AGTPBP1: variants seen among roughly 807,000 people sequenced by gnomAD.
AGTPBP1 encodes cytosolic carboxypeptidase 1.
Under a neutral mutation model 143.9 loss-of-function variants are expected in AGTPBP1, and 70 were observed. The observed-to-expected ratio is 0.49, with a 90% CI of 0.40 to 0.59. AGTPBP1 has a LOEUF of 0.59. Among genes scored for constraint, AGTPBP1 ranks in the 20% least tolerant of loss-of-function variants. The pLI is 0.00. For synonymous variants in AGTPBP1, 463 were observed against 500.2 expected (o/e 0.93, Z 0.99); for missense variants, 1,229 against 1,464.5 (o/e 0.84, Z 2.62).
chr9:85,801,826 ATAGAT>A, the AGTPBP1 span, among the ~76,000 whole-genome samples: 4 of 152,226 alleles, frequency 2.6e-5, no homozygotes, highest in East Asian at 1.9e-4. Context: ...CCCCTCACTC[ATAGAT>A]TAAAGATTTT....
intron 3 of AGTPBP1, among the ~76,000 whole-genome samples, chr9:85,682,744 A>C (rs1167999864): frequency 6.6e-6 from 1 of 152,214 alleles, no homozygotes; most frequent in African/African-American, 2.4e-5. Context: ...CCCTGATTAA[A>C]GGAAAATATC....
chr9:85,564,176 C>T (rs183461534), intron 25 of AGTPBP1, among the ~76,000 whole-genome samples: 169 of 152,362 alleles, frequency 1.1e-3, no homozygotes, highest in Admixed American at 4.8e-3. Context: ...AGCAAAACTG[C>T]AGGGATGGAG....
chr9:85,724,651 T>C (rs1838355050), intron 1 of AGTPBP1, among the ~76,000 whole-genome samples: 1 of 152,224 alleles, frequency 6.6e-6, no homozygotes, highest in African/African-American at 2.4e-5. Flanking sequence ...TGGTATAATA[T>C]CTAAGACTTC....
chr9:85,653,174 TG>T (rs1002991759), intron 11 of AGTPBP1, among the ~76,000 whole-genome samples: 4 of 140,430 alleles, frequency 2.8e-5, no homozygotes, highest in African/African-American at 8.0e-5. Context: ...GAGGCTGAGG[TG>T]GGGGGGATCT....
intron 2 of AGTPBP1, among the ~76,000 whole-genome samples, chr9:85,711,914 G>A (rs781524793): frequency 2.0e-5 from 3 of 152,146 alleles, no homozygotes; most frequent in East Asian, 3.8e-4. Context: ...ATGCTGAAAT[G>A]CAAATTACAT....
Position 85,712,573 on chromosome 9 carries a change from G to T in AGTPBP1, c.-33-7C>A, listed in dbSNP as rs1837448771. The T allele has an allele frequency of 7.4e-7, 1 of 1,355,496 alleles. No homozygotes were observed. The highest frequency in any genetic ancestry group is 1.5e-5 in the South Asian group (1 of 66,834). The allele number at this position is 1,355,496 out of a possible 1,614,324, so 84.0% of individuals were successfully genotyped here. On this transcript the variant is annotated splice_polypyrimidine_tract_variant and splice_region_variant and intron_variant, in intron 1 of 25. Coordinates refer to ENST00000357081, the MANE Select transcript of AGTPBP1 (RefSeq NM_001330701.2). ...TTTCATAATTGCAGATAATCTAAAA[G>T]AAAAATGTTAATGATATTAAAAACT...
chr9:85,609,290 CT>C (rs71370873), intron 17 of AGTPBP1, among the ~76,000 whole-genome samples: 48,056 of 133,956 alleles, frequency 0.36, 7,881 homozygotes, highest in East Asian at 0.6. Context: ...GTGTACAGAT[CT>C]TTTTTTTTTT....
intron 15 of AGTPBP1, among the ~76,000 whole-genome samples, chr9:85,619,696 ATTATC>A (rs1258909412): frequency 5.9e-5 from 9 of 152,186 alleles, no homozygotes; most frequent in African/African-American, 1.7e-4. Flanking sequence ...TAAATTACCT[ATTATC>A]TTATTTAATT....
chr9:85,751,354 T>C, the AGTPBP1 span, among the ~76,000 whole-genome samples: 1 of 152,200 alleles, frequency 6.6e-6, no homozygotes, highest in Non-Finnish European at 1.5e-5. Context: ...AAACATGAAT[T>C]AGTAGAAAAG....
At chr9:85,733,236 T>TA (rs1205242133) in intron 1 of AGTPBP1, among the ~76,000 whole-genome samples, 1 of 152,158 alleles carries the variant, frequency 6.6e-6, no homozygotes, top group African/African-American at 2.4e-5. Context: ...GGATACAAAT[T>TA]AAGTCTCAAT....
rs757052712 is a variant in AGTPBP1, at chr9:85,588,272, T to C, written c.2903+26A>G. 7 of 1,555,168 alleles carry C rather than the reference T, an allele frequency of 4.5e-6. No individual in the cohort carries two copies. In the African/African-American group the frequency reaches 5.5e-5, roughly 12 times the overall value. Reference sequence around the variant, plus strand: ...AGGACAACCACAATGGTCTTGAATATATTCTACAACTATTGCTTAACTTAC... The same window carrying C: ...AGGACAACCACAATGGTCTTGAATACATTCTACAACTATTGCTTAACTTAC... On this transcript the variant is annotated intron_variant, in intron 21 of 25. Coordinates refer to ENST00000357081, the MANE Select transcript of AGTPBP1 (RefSeq NM_001330701.2).
chr9:85,799,708 G>C, the AGTPBP1 span, among the ~76,000 whole-genome samples: 1 of 152,162 alleles, frequency 6.6e-6, no homozygotes, highest in South Asian at 2.1e-4. Flanking sequence ...CGTAGAGGTG[G>C]GATCTCACTA....
intron 14 of AGTPBP1, among the ~76,000 whole-genome samples, chr9:85,631,217 A>C (rs1831655845): frequency 6.6e-6 from 1 of 152,212 alleles, no homozygotes; most frequent in East Asian, 1.9e-4. Context: ...GAGAGCCCAG[A>C]GGTGGAGGGA....
chr9:85,787,502 G>A, the AGTPBP1 span, among the ~76,000 whole-genome samples: 1 of 152,040 alleles, frequency 6.6e-6, no homozygotes, highest in South Asian at 2.1e-4. Flanking sequence ...TTGCACACTG[G>A]CCAAACTACA....
At chr9:85,781,195 T>G in the AGTPBP1 span, 2 of 1,470,898 alleles carry the variant, frequency 1.4e-6, no homozygotes, top group East Asian at 2.5e-5. Flanking sequence ...AAATTTTTGT[T>G]GTATAGAACA....
chr9:85,561,888 A>G (rs1295024680), intron 25 of AGTPBP1, among the ~76,000 whole-genome samples: 1 of 148,454 alleles, frequency 6.7e-6, no homozygotes, highest in African/African-American at 2.5e-5. Flanking sequence ...GCTGGAGTGC[A>G]GTGGCACAGT....
At chr9:85,590,531 T>C in intron 19 of AGTPBP1, among the ~76,000 whole-genome samples, 1 of 152,176 alleles carries the variant, frequency 6.6e-6, no homozygotes. Context: ...CTATGTTCTT[T>C]CACAAATCAC....
At chr9:85,727,232 C>T (rs1838558186) in intron 1 of AGTPBP1, among the ~76,000 whole-genome samples, 1 of 152,124 alleles carries the variant, frequency 6.6e-6, no homozygotes, top group Non-Finnish European at 1.5e-5. Context: ...GAGGCTGAGG[C>T]AGAAGAATCA....
chr9:85,708,222 C>G (rs997066457), intron 2 of AGTPBP1, among the ~76,000 whole-genome samples: 1 of 152,082 alleles, frequency 6.6e-6, no homozygotes, highest in African/African-American at 2.4e-5. Context: ...CTTCCATCAT[C>G]ACATCTCCTA....
Sources: gnomAD v4.1 joint callset for allele counts (sites outside exome capture counted in the v4.1 genomes callset) on GRCh38, gnomAD v4.1.1 for gene constraint, MANE v1.5 for transcripts, NCBI Gene and HGNC (gene_info 2026-07-23, HGNC 2026-07-21) for gene names.